Variants in ZNF33A observed in about 807,000 individuals in gnomAD.
ZNF33A encodes brain my041 protein.
ZNF33A carries 9 observed loss-of-function variants against 15.9 expected under a neutral mutation model. That is an observed-to-expected ratio of 0.57 (90% CI 0.34 to 0.99). The LOEUF (loss-of-function observed/expected upper bound fraction) is 0.99, where lower values mean the gene tolerates loss of function less well. ZNF33A is among the 50% of genes least tolerant of loss of function. The probability of loss-of-function intolerance (pLI) is 0.02; values close to 1 mark genes in which losing one functional copy is unlikely to be tolerated. For synonymous variants in ZNF33A, 294 were observed against 324.2 expected, an observed-to-expected ratio of 0.91 and a Z score of 1.00; for missense variants, 843 against 941.6, an observed-to-expected ratio of 0.90 and a Z score of 1.37.
Position 38,035,111 on chromosome 10 carries a change from C to CTTTTTTTT in ZNF33A, c.250+17742_250+17749dup, listed in dbSNP as rs71007683. Among the ~76,000 whole-genome samples, 80 of 85,768 alleles carry CTTTTTTTT rather than the reference C, an allele frequency of 9.3e-4. 1 individual carries two copies. The highest frequency in any genetic ancestry group is 1.7e-3 in the East Asian group (4 of 2,318). 56.3% of individuals were successfully genotyped at this position (85,768 alleles called of 152,430 possible). A position where few individuals can be genotyped will look rare whatever the true frequency, so the allele number is the denominator to read the frequency against. ...TAACCATCCATCATCCATTTACTTT[C>CTTTTTTTT]TTTTTTTTTTTTTTTTTTTTTTTTG... On this transcript the variant is annotated intron_variant, in intron 4 of 4. Transcript: ENST00000432900.
At chr10:38,067,334 C>T (rs1383486481), downstream of ZNF33A, among the ~76,000 whole-genome samples, 1 of 152,164 alleles carries the variant, frequency 6.6e-6, no homozygotes, top group Non-Finnish European at 1.5e-5. Flanking sequence ...AACAAAAATA[C>T]AAGCCCACCT....
At position 38,059,157 on chromosome 10, in the gene ZNF33A, A is replaced by G. The variant is rs2066603453; in HGVS notation, c.*2597A>G. 6.6e-6 allele frequency: 1 copy of G among 152,242 alleles called. No homozygotes were observed. Among genetic ancestry groups the G allele is most frequent in the Admixed American group, 6.5e-5 (1 of 15,288 alleles). 9.4% of individuals were successfully genotyped at this position (152,242 alleles called of 1,614,324 possible). ...CAGAAAAAGCATTTGACAAAATCCA[A>G]TATCCATTCATGTTAAAACCTCTCA... On this transcript the variant is annotated 3_prime_UTR_variant, in exon 5 of 5. Coordinates refer to ENST00000432900, the MANE Select transcript of ZNF33A (RefSeq NM_006954.2).
intron 2 of ZNF33A, among the ~76,000 whole-genome samples, chr10:38,014,525 A>G (rs753876042): frequency 5.9e-5 from 9 of 152,182 alleles, no homozygotes; most frequent in African/African-American, 9.7e-5. Context: ...CATTGGAATG[A>G]GTGTCTACTT....
chr10:38,015,171 G>A (rs2064390298), intron 2 of ZNF33A, among the ~76,000 whole-genome samples: 1 of 152,020 alleles, frequency 6.6e-6, no homozygotes, highest in Non-Finnish European at 1.5e-5. Flanking sequence ...CACTGTGCCT[G>A]GCCTCCAATT....
intron 4 of ZNF33A, among the ~76,000 whole-genome samples, chr10:38,023,023 G>A (rs1325162276): frequency 6.6e-6 from 1 of 152,066 alleles, no homozygotes; most frequent in African/African-American, 2.4e-5. Context: ...TCGGCTCACC[G>A]CAACCTCTGC....
chr10:38,021,834 T>G (rs2064760884), intron 4 of ZNF33A, among the ~76,000 whole-genome samples: 1 of 151,728 alleles, frequency 6.6e-6, no homozygotes, highest in African/African-American at 2.4e-5. Context: ...AGTAATAGAG[T>G]GACAATAGGA....
intron 2 of ZNF33A, among the ~76,000 whole-genome samples, chr10:38,012,554 C>G (rs1268909536): frequency 2.6e-5 from 4 of 151,652 alleles, no homozygotes; most frequent in East Asian, 1.9e-4. Context: ...GCCTCAGCCC[C>G]CCGAGTAGCT....
chr10:38,065,894 A>G (rs2066706000), downstream of ZNF33A, among the ~76,000 whole-genome samples: 1 of 152,042 alleles, frequency 6.6e-6, no homozygotes, highest in African/African-American at 2.4e-5. Context: ...TATTTTTAAT[A>G]AAGACAAGGT....
intron 4 of ZNF33A, among the ~76,000 whole-genome samples, chr10:38,021,618 A>T (rs2135569607): frequency 6.6e-6 from 1 of 152,322 alleles, no homozygotes; most frequent in African/African-American, 2.4e-5. Context: ...TGGGTTACAG[A>T]ATAAGACTCT....
At chr10:38,043,688 T>A (rs575275338) in intron 4 of ZNF33A, among the ~76,000 whole-genome samples, 168 of 150,604 alleles carry the variant, frequency 1.1e-3, no homozygotes, top group African/African-American at 2.7e-3. Flanking sequence ...AAAAAAAAAA[T>A]TTTTTTTTCA....
In ZNF33A at chr10:38,054,664, T is replaced by C. The variant is rs757357026; in HGVS notation, c.540T>C (p.Ile180=). 5 of 1,613,654 alleles carry C rather than the reference T, an allele frequency of 3.1e-6. No individual in the cohort carries two copies. The African/African-American group carries it at 5.3e-5, about 17-fold the overall frequency. ...FNACGKLLLN[I]KHDETHTQEK... ...CCTGTGGGAAATTGTTACTCAATAT[T>C]AAGCATGATGAAACTCATACTCAAG... is the stretch of plus-strand genomic sequence containing the variant. The change falls in exon 5 of 5, where the codon ATT becomes ATC. Residue 180 remains isoleucine, a synonymous_variant. Coordinates refer to ENST00000432900, the MANE Select transcript of ZNF33A (RefSeq NM_006954.2).
intron 4 of ZNF33A, among the ~76,000 whole-genome samples, chr10:38,030,499 C>G (rs1420850705): frequency 3.3e-5 from 5 of 152,180 alleles, no homozygotes; most frequent in Admixed American, 2.0e-4. Context: ...CATATTTGTT[C>G]TGGTCCACCC....
At position 38,054,640 on chromosome 10, in the gene ZNF33A, C is replaced by G. The variant is rs1399690053; in HGVS notation, c.516C>G (p.Ala172=). The change falls in exon 5 of 5, where the codon GCC becomes GCG. Residue 172 remains alanine (A), a synonymous_variant. Transcript: ENST00000432900. The stretch of plus-strand genomic sequence containing the variant: ...GAAAAAAGTCTGATGAATTTAATGC[C>G]TGTGGGAAATTGTTACTCAATATTA... ...YLGKKSDEFN[A]CGKLLLNIKH... is the part of the protein sequence containing the mutation. 1 of 1,612,524 alleles carries G rather than the reference C, an allele frequency of 6.2e-7. No individual in the cohort carries two copies. Among genetic ancestry groups the G allele is most frequent in the African/African-American group, 1.3e-5 (1 of 74,778 alleles).
At position 38,040,243 on chromosome 10, in the gene ZNF33A, A is replaced by T. The variant is rs61587766; in HGVS notation, c.251-14132A>T. On this transcript the variant is annotated intron_variant, in intron 4 of 4. Transcript: ENST00000432900. ...TTAAATTTATTCTGGGGAATGTTTC[A>T]TGTGTACTTTTGAAGCATACCTGCT... Among the ~76,000 whole-genome samples the T allele has an allele frequency of 3.3e-5, 5 of 152,026 alleles. No individual in the cohort carries two copies. In the East Asian group the frequency reaches 9.7e-4, roughly 30 times the overall value.
At position 38,056,364 on chromosome 10, in the gene ZNF33A, A is replaced by G. The variant is rs766197223; in HGVS notation, c.2240A>G (p.Lys747Arg). The G allele has an allele frequency of 9.9e-6, 16 of 1,614,042 alleles. No individual in the cohort carries two copies. Among genetic ancestry groups the G allele is most frequent in the African/African-American group, 1.3e-5 (1 of 74,946 alleles). Residue 747 changes from lysine (K) to arginine (R), a missense_variant, in exon 5 of 5, where the codon AAG becomes AGG. Physicochemically the swap from Lys to Arg is conservative, Grantham distance 26. Transcript: ENST00000432900. ...AQHQRSHTGE[K>R]PYECNTCRKT... is the part of the protein sequence containing the mutation. ...CATCAGAGATCACATACAGGGGAAA[A>G]GCCCTATGAATGTAACACATGCAGG...
In ZNF33A at chr10:38,038,391, T is replaced by C. The variant is rs1689677499; in HGVS notation, c.251-15984T>C. 2.0e-5 allele frequency among the ~76,000 whole-genome samples: 3 copies of C among 152,320 alleles called. No homozygotes were observed. The South Asian group carries it at 6.2e-4, about 32-fold the overall frequency. On this transcript the variant is annotated intron_variant, in intron 4 of 4. Transcript: ENST00000432900. The stretch of plus-strand genomic sequence containing the variant: ...TGCTGGGATTACAGGCTTGAGACAT[T>C]ATGCCCGGCCAGAATTATTTTTAAA...
In ZNF33A at chr10:38,056,423, C is replaced by T. The variant is rs2066488234; in HGVS notation, c.2299C>T (p.His767Tyr). Residue 767 changes from histidine to tyrosine, a missense_variant, in exon 5 of 5, where the codon CAT (histidine) becomes TAT (tyrosine). His to Tyr is a moderately conservative substitution (Grantham distance 83, BLOSUM62 2). Coordinates refer to ENST00000432900, the MANE Select transcript of ZNF33A (RefSeq NM_006954.2). The part of the protein sequence containing the change: ...TFSQKSNLIV[H>Y]QRRHIGENLM... ...CTCTCAAAAGTCAAATCTCATTGTA[C>T]ATCAGAGAAGACATATAGGAGAAAA... 1.2e-6 allele frequency: 2 copies of T among 1,614,072 alleles called. No individual in the cohort carries two copies. The highest frequency in any genetic ancestry group is 2.7e-5 in the African/African-American group (2 of 75,040).
intron 4 of ZNF33A, among the ~76,000 whole-genome samples, chr10:38,035,568 C>G (rs901797709): frequency 3.3e-5 from 5 of 152,194 alleles, no homozygotes; most frequent in African/African-American, 1.2e-4. Context: ...TCACAGACTT[C>G]TCTTTCCAAA....
At chr10:38,024,782 C>G (rs1350657013) in intron 4 of ZNF33A, among the ~76,000 whole-genome samples, 2 of 152,182 alleles carry the variant, frequency 1.3e-5, no homozygotes, top group African/African-American at 4.8e-5. Flanking sequence ...TAAATAATTC[C>G]TCAGTTTTAA....
Sources: allele counts gnomAD v4.1 joint callset (sites outside exome capture counted in the v4.1 genomes callset), GRCh38; gene constraint gnomAD v4.1.1; transcripts MANE v1.5; gene names NCBI Gene and HGNC (gene_info 2026-07-23, HGNC 2026-07-21).